The following FARP1 variants were observed in gnomAD, a reference collection of about 807,000 sequenced individuals.
FARP1 encodes the protein FERM, ARH/RhoGEF and pleckstrin domain protein 1.
A neutral mutation model predicts 128.8 loss-of-function variants in FARP1; 52 were observed. That is an observed-to-expected ratio of 0.40 (90% CI 0.32 to 0.51). FARP1 has a LOEUF of 0.51. Among genes scored for constraint, FARP1 ranks in the 20% least tolerant of loss-of-function variants. The probability of loss-of-function intolerance (pLI) is 0.45; values close to 1 mark genes in which losing one functional copy is unlikely to be tolerated. For missense variants in FARP1, 1,333 were observed against 1,367.9 expected (o/e 0.97, Z 0.40); for synonymous variants, 580 against 551.8 (o/e 1.05, Z -0.72).
At chr13:98,167,405 CT>C (rs11388623) in intron 1 of FARP1, among the ~76,000 whole-genome samples, 115 of 129,734 alleles carry the variant, frequency 8.9e-4, no homozygotes, top group Non-Finnish European at 9.2e-4. Flanking sequence ...AACAGTTTTA[CT>C]TTTTTTTTTT....
intron 3 of FARP1, among the ~76,000 whole-genome samples, chr13:98,352,530 T>C (rs1347694830): frequency 1.3e-5 from 2 of 152,172 alleles, no homozygotes; most frequent in African/African-American, 4.8e-5. Flanking sequence ...CGCTTCCATA[T>C]CCTTCAACAC....
rs950407083 is a variant in FARP1 at position 98,143,231 on chromosome 13, C to G, written c.-285C>G. ...CCTCCCTGCGCGAGTAGCGCTGGCCCCGGCGTCGAGGCGGCCATGGCGACC... is the reference window on the plus strand; with the variant it reads ...CCTCCCTGCGCGAGTAGCGCTGGCCGCGGCGTCGAGGCGGCCATGGCGACC... On this transcript the variant is annotated 5_prime_UTR_variant, in exon 1 of 27. Coordinates refer to ENST00000319562, the MANE Select transcript of FARP1 (RefSeq NM_005766.4). The G allele has an allele frequency of 6.7e-6, 1 of 149,186 alleles. No homozygotes were observed. Among genetic ancestry groups the G allele is most frequent in the Non-Finnish European group, 1.5e-5 (1 of 66,860 alleles). The allele number at this position is 149,186 out of a possible 1,614,324, so 9.2% of individuals were successfully genotyped here.
intron 25 of FARP1, 41 bp downstream of exon 25, chr13:98,446,246 G>A: frequency 7.1e-7 from 1 of 1,402,884 alleles, no homozygotes; most frequent in Non-Finnish European, 1.0e-6. Flanking sequence ...GGGACCTTGG[G>A]GGTGGCAGCA....
chr13:98,259,072 G>A (rs1176643776), intron 2 of FARP1, among the ~76,000 whole-genome samples: 2 of 152,036 alleles, frequency 1.3e-5, no homozygotes, highest in Non-Finnish European at 2.9e-5. Context: ...AAATCTGAGT[G>A]TGGTAGGATG....
rs190366755 is a variant in FARP1, at chr13:98,429,382, C to T, written c.1906-1661C>T. ...AATGCCAGAGAGGTCAGAGGGATCC[C>T]GGCTTAAGGGGAGTCTGTTGAGTGG... is the stretch of plus-strand genomic sequence containing the variant. On this transcript the variant is annotated intron_variant, in intron 17 of 26. Coordinates refer to ENST00000319562, the MANE Select transcript of FARP1 (RefSeq NM_005766.4). Among the ~76,000 whole-genome samples the T allele has an allele frequency of 3.3e-5, 5 of 152,214 alleles. No homozygotes were observed. In the East Asian group the frequency reaches 7.7e-4, roughly 24 times the overall value.
chr13:98,311,871 TCTCGCTCTGTCACCCAGG>T (rs922449413), intron 2 of FARP1, among the ~76,000 whole-genome samples: 3 of 150,154 alleles, frequency 2.0e-5, no homozygotes, highest in Non-Finnish European at 4.4e-5. Flanking sequence ...TGAGACGGAG[TCTCGCTCTGTCACCCAGG>T]CTGGAGTATA....
chr13:98,306,530 T>C (rs1232420334), intron 2 of FARP1, among the ~76,000 whole-genome samples: 23 of 152,018 alleles, frequency 1.5e-4, no homozygotes. Context: ...TCTTTTTTGT[T>C]TTGAGAAAGG....
At chr13:98,201,462 G>A (rs8000691) in intron 1 of FARP1, among the ~76,000 whole-genome samples, 36,840 of 152,090 alleles carry the variant, frequency 0.24, 4,745 homozygotes, top group Middle Eastern at 0.35. Context: ...GAAACAGAAC[G>A]GCAAAAGCTT....
chr13:98,393,592 AAG>A (rs753481209), intron 11 of FARP1, 49 bp from the exon 12 acceptor site: 1 of 1,468,564 alleles, frequency 6.8e-7, no homozygotes, highest in Non-Finnish European at 9.5e-7. Flanking sequence ...ACCAAGGAAA[AAG>A]AAACAAAAAC....
intron 2 of FARP1, among the ~76,000 whole-genome samples, chr13:98,300,339 C>T (rs1482033224): frequency 2.0e-5 from 3 of 152,174 alleles, no homozygotes; most frequent in Non-Finnish European, 4.4e-5. Context: ...GTCGTTTGCA[C>T]GGACCCCGTG....
At chr13:98,285,180 C>T (rs1185613173) in intron 2 of FARP1, among the ~76,000 whole-genome samples, 1 of 152,102 alleles carries the variant, frequency 6.6e-6, no homozygotes, top group Non-Finnish European at 1.5e-5. Context: ...CCTTATTGGA[C>T]TTAACAAAGC....
In FARP1 at chr13:98,360,090, CTTTTTTTTT is replaced by C. The variant is rs55859311; in HGVS notation, c.277-5289_277-5281del. ...GTGAGTGTATTCAGAGATTGTGTTGCTTTTTTTTTTTTTTTTTTTTTTTTGAGATGGAGT... is the reference window on the plus strand; with the variant it reads ...GTGAGTGTATTCAGAGATTGTGTTGCTTTTTTTTTTTTTTTGAGATGGAGT... On this transcript the variant is annotated intron_variant, in intron 3 of 26. Coordinates refer to ENST00000319562, the MANE Select transcript of FARP1 (RefSeq NM_005766.4). Among the ~76,000 whole-genome samples the C allele has an allele frequency of 5.7e-3, 599 of 104,578 alleles. 1 individual carries two copies. Among genetic ancestry groups the C allele is most frequent in the Non-Finnish European group, 8.6e-3 (474 of 55,180 alleles). The allele number at this position is 104,578 out of a possible 152,430, so 68.6% of individuals were successfully genotyped here. A position where few individuals can be genotyped will look rare whatever the true frequency, so the allele number is the denominator to read the frequency against.
At chr13:98,251,836 TTGTATGTA>T (rs539304726) in intron 2 of FARP1, among the ~76,000 whole-genome samples, 2 of 152,070 alleles carry the variant, frequency 1.3e-5, no homozygotes, top group African/African-American at 4.8e-5. Flanking sequence ...ATATAGCTAA[TTGTATGTA>T]TGTATGTATG....
chr13:98,377,548 A>G (rs1566932814), intron 5 of FARP1, among the ~76,000 whole-genome samples: 2 of 152,204 alleles, frequency 1.3e-5, no homozygotes, highest in Non-Finnish European at 2.9e-5. Context: ...AATATATAGC[A>G]TGCTAGGTTA....
At chr13:98,306,202 C>T (rs1345130103) in intron 2 of FARP1, among the ~76,000 whole-genome samples, 1 of 152,206 alleles carries the variant, frequency 6.6e-6, no homozygotes, top group East Asian at 1.9e-4. Flanking sequence ...TGTTGGGAGA[C>T]TGGTGTGATT....
At chr13:98,296,719 T>C (rs183437375) in intron 2 of FARP1, among the ~76,000 whole-genome samples, 1 of 125,736 alleles carries the variant, frequency 8.0e-6, no homozygotes, top group Admixed American at 9.3e-5. Flanking sequence ...TGAGACAGAA[T>C]CTCCCTCTGT....
intron 5 of FARP1, among the ~76,000 whole-genome samples, chr13:98,371,722 G>A (rs1469814070): frequency 1.3e-5 from 2 of 152,124 alleles, no homozygotes; most frequent in Non-Finnish European, 2.9e-5. Flanking sequence ...GTGAATGAGG[G>A]GATGCTGGGA....
chr13:98,142,696 A>C (rs1875116192), upstream of FARP1: 1 of 152,226 alleles, frequency 6.6e-6, no homozygotes, highest in African/African-American at 2.4e-5. Flanking sequence ...AGGACCTCAA[A>C]AAGCGACCTG....
intron 7 of FARP1, among the ~76,000 whole-genome samples, chr13:98,385,249 G>A (rs548664648): frequency 1.3e-5 from 2 of 152,290 alleles, no homozygotes; most frequent in African/African-American, 4.8e-5. Context: ...GGTACTTTTG[G>A]TTGTTGTTTT....
Sources: gnomAD v4.1 joint callset for allele counts (sites outside exome capture counted in the v4.1 genomes callset) on GRCh38, gnomAD v4.1.1 for gene constraint, MANE v1.5 for transcripts, NCBI Gene and HGNC (gene_info 2026-07-23, HGNC 2026-07-21) for gene names.